PSD4: variants seen among roughly 807,000 people sequenced by gnomAD.
The protein encoded by PSD4 is pleckstrin and Sec7 domain containing 4.
PSD4 carries 59 observed loss-of-function variants against 112.5 expected under a neutral mutation model. The ratio of observed to expected loss-of-function variants is 0.52; its 90% CI spans 0.43 to 0.65. The LOEUF is 0.65. PSD4 is among the 30% of genes least tolerant of loss of function. The pLI is 0.00. For missense variants in PSD4, 1,267 were observed against 1,352.6 expected (o/e 0.94, Z 0.99); for synonymous variants, 533 against 540.0 (o/e 0.99, Z 0.18).
In PSD4 at chr2:113,185,918, AC is replaced by A; in HGVS notation, c.1293del (p.Leu432TrpfsTer54). The A allele has an allele frequency of 6.2e-7, 1 of 1,613,488 alleles. No homozygotes were observed. Among genetic ancestry groups the A allele is most frequent in the Non-Finnish European group, 8.5e-7 (1 of 1,179,650 alleles). On this transcript the variant is annotated frameshift_variant, in exon 5 of 17. Transcript: ENST00000245796. LOFTEE classifies it high-confidence loss of function. ...GGHPQESLPC[T>X]LAPCPWRSPA... ...ACACCCCCAGGAATCTCTTCCCTGC[AC>A]CTTGGCCCCCTGCCCCTGGAGGAGC...
intron 6 of PSD4, 93 bp from the exon 7 acceptor site, chr2:113,192,955 C>G: frequency 1.6e-6 from 2 of 1,259,088 alleles, no homozygotes; most frequent in Non-Finnish European, 2.3e-6. Context: ...TCACCCCCAC[C>G]GCATAATGTG....
chr2:113,197,582 G>A lies in PSD4; in HGVS notation c.2405G>A (p.Gly802Asp). 1 of 1,614,220 alleles carries A rather than the reference G, an allele frequency of 6.2e-7. No homozygotes were observed. The highest frequency in any genetic ancestry group is 8.5e-7 in the Non-Finnish European group (1 of 1,180,030). Reference protein sequence around the residue: ...DGKKTPWGKRGWKMFHTLLRG... With the variant: ...DGKKTPWGKRDWKMFHTLLRG... Reference sequence around the variant, plus strand: ...GGAACAGCGCCATGGGGCAAGCGTGGCTGGAAGATGTTCCACACCTTACTG... The same window carrying A: ...GGAACAGCGCCATGGGGCAAGCGTGACTGGAAGATGTTCCACACCTTACTG... The change falls in exon 13 of 17, where the codon GGC becomes GAC. Residue 802 changes from glycine (G) to aspartate (D), a missense_variant. Transcript: ENST00000245796.
intron 1 of PSD4, among the ~76,000 whole-genome samples, chr2:113,174,859 A>T (rs949091317): frequency 6.6e-6 from 1 of 152,166 alleles, no homozygotes; most frequent in Non-Finnish European, 1.5e-5. Flanking sequence ...AAAATTCCAC[A>T]GTTGAAGTCA....
Position 113,197,647 on chromosome 2 carries a change from C to A in PSD4, c.2457+13C>A. On this transcript the variant is annotated intron_variant, in intron 13 of 16. Transcript: ENST00000245796. ...CTACTTCCTGAAGGTAGGAAAGGAG[C>A]CAACACCCCTGTCAGAATGGGAGAC... 6.2e-7 allele frequency: 1 copy of A among 1,614,118 alleles called. No individual in the cohort carries two copies. The highest frequency in any genetic ancestry group is 1.6e-4 in the Middle Eastern group (1 of 6,062).
intron 1 of PSD4, among the ~76,000 whole-genome samples, chr2:113,181,767 A>G (rs1432760856): frequency 1.3e-5 from 2 of 152,166 alleles, no homozygotes; most frequent in African/African-American, 4.8e-5. Flanking sequence ...TACAAGGACA[A>G]AGAAGCAGGC....
chr2:113,192,901 T>C (rs2104504074), intron 6 of PSD4, 147 bp from the exon 7 acceptor site: 1 of 762,502 alleles, frequency 1.3e-6, no homozygotes, highest in Non-Finnish European at 2.1e-6. Context: ...GCCCCCTTGC[T>C]CTGTCAGGAC....
In PSD4 at chr2:113,202,401, A is replaced by AG. The variant is rs2104512038; in HGVS notation, c.*988dup. ...GGAGGCTGGCGACCAGGCGAGGCCT[A>AG]GGCCAGGCTCGGGAGACTTTTCTGT... On this transcript the variant is annotated 3_prime_UTR_variant, in exon 17 of 17. Transcript: ENST00000245796. 6.6e-6 allele frequency: 1 copy of AG among 152,470 alleles called. No individual in the cohort carries two copies. The highest frequency in any genetic ancestry group is 1.9e-4 in the East Asian group (1 of 5,178). 9.4% of individuals were successfully genotyped at this position (152,470 alleles called of 1,614,324 possible).
rs780424458 is a variant in PSD4 at position 113,183,375 on chromosome 2, G to A, written c.919G>A (p.Gly307Arg). 1.2e-5 allele frequency: 19 copies of A among 1,580,880 alleles called. No individual in the cohort carries two copies. The South Asian group carries it at 2.2e-4, about 18-fold the overall frequency. The change falls in exon 2 of 17, where the codon GGG becomes AGG. Residue 307 changes from glycine to arginine, a missense_variant. Around this residue, in one of 2 missense-constraint regions of PSD4, gnomAD observed 723 missense variants for 704.0 expected, o/e 1.03. Coordinates refer to ENST00000245796, the MANE Select transcript of PSD4 (RefSeq NM_012455.3). Reference protein sequence around the residue: ...LWELESEPDLGDGAAISGHCT... With the variant: ...LWELESEPDLRDGAAISGHCT... ...GGAGCTGGAAAGTGAGCCAGATTTG[G>A]GGGACGGCGCTGCTATCAGTGGGCA...
rs746235985 is a variant in PSD4 at position 113,186,010 on chromosome 2, C to A, written c.1383C>A (p.Ser461Arg). 1.7e-5 allele frequency: 28 copies of A among 1,614,086 alleles called. No individual in the cohort carries two copies. Among genetic ancestry groups the A allele is most frequent in the Non-Finnish European group, 2.2e-5 (26 of 1,180,004 alleles). The change falls in exon 5 of 17, where the codon AGC (serine) becomes AGA (arginine). Residue 461 changes from serine to arginine, a missense_variant. Ser to Arg is a moderately radical substitution (Grantham distance 110, BLOSUM62 -1). This residue lies in a region of PSD4 where 723 missense variants were observed against 704.0 expected (regional missense o/e 1.03). Coordinates refer to ENST00000245796, the MANE Select transcript of PSD4 (RefSeq NM_012455.3). ...GCAGAGGCCCTGGTCCCAGGCCCAG[C>A]CCTGCATCGTCCCAGGAGGGCAGCC... ...SESRGPGPRPSPASSQEGSPQ... is the reference protein window; with the variant it reads ...SESRGPGPRPRPASSQEGSPQ...
chr2:113,182,024 G>A (rs141049336), intron 1 of PSD4, among the ~76,000 whole-genome samples: 177 of 131,010 alleles, frequency 1.4e-3, no homozygotes, highest in Non-Finnish European at 2.3e-3. Flanking sequence ...AACCACCTCG[G>A]TCTCCACACT....
rs774424718 is a variant in PSD4, at chr2:113,192,538, A to G, written c.1787A>G (p.Tyr596Cys). The change falls in exon 6 of 17, where the codon TAT becomes TGT. Residue 596 changes from tyrosine to cysteine, a missense_variant. Tyr to Cys is a radical substitution (Grantham distance 194, BLOSUM62 -2). Coordinates refer to ENST00000245796, the MANE Select transcript of PSD4 (RefSeq NM_012455.3). ...GCCTGGAACTTGGCCTCACGCCTCT[A>G]TCGCCTGGAGGGCTTCCGGAAGTCT... ...KVAWNLASRL[Y>C]RLEGFRKSEV... 30 of 1,614,090 alleles carry G rather than the reference A, an allele frequency of 1.9e-5. No homozygotes were observed. Among genetic ancestry groups the G allele is most frequent in the Non-Finnish European group, 2.3e-5 (27 of 1,180,024 alleles).
At chr2:113,188,309 T>A (rs1308482629) in intron 5 of PSD4, among the ~76,000 whole-genome samples, 1 of 152,198 alleles carries the variant, frequency 6.6e-6, no homozygotes, top group South Asian at 2.1e-4. Context: ...AATGTTGCGA[T>A]CTTGGCTCAC....
rs1688212151 is a variant in PSD4, at chr2:113,183,525, T to C, written c.1056+13T>C. On this transcript the variant is annotated intron_variant, in intron 2 of 16. Transcript: ENST00000245796. ...CGGGGAGAGTGAGGTAAGCCCAGTC[T>C]TGGGAACCAACCGGGGCTGTGCTGG... is the stretch of plus-strand genomic sequence containing the variant. The C allele has an allele frequency of 6.5e-7, 1 of 1,542,872 alleles. No individual in the cohort carries two copies.
chr2:113,193,171 C>A (rs1688504560), intron 7 of PSD4, 43 bp downstream of exon 7: 2 of 1,605,454 alleles, frequency 1.2e-6, no homozygotes, highest in Non-Finnish European at 8.5e-7. Context: ...TGGAGGATGG[C>A]ATGGGGCAGT....
intron 2 of PSD4, 83 bp downstream of exon 2, chr2:113,183,595 A>G: frequency 7.6e-7 from 1 of 1,311,886 alleles, no homozygotes; most frequent in Non-Finnish European, 1.0e-6. Flanking sequence ...CAGGCCCAGA[A>G]CATTCTTTTC....
At chr2:113,178,815 G>A (rs1350976781) in intron 1 of PSD4, among the ~76,000 whole-genome samples, 1 of 152,136 alleles carries the variant, frequency 6.6e-6, no homozygotes, top group African/African-American at 2.4e-5. Flanking sequence ...TTGGGTGAAT[G>A]AGAACAGGAG....
In PSD4 at chr2:113,195,747, C is replaced by T. The variant is rs1277106814; in HGVS notation, c.2202C>T (p.Arg734=). ...ELLKALYWSI[R]SEKLEWAVDE... ...TCCAGGCCCTCTACTGGTCTATCCG[C>T]AGCGAGAAGCTCGAGTGGGCCGTGT... Residue 734 remains arginine, a synonymous_variant, in exon 11 of 17, where the codon CGC becomes CGT. Transcript: ENST00000245796. The T allele has an allele frequency of 1.2e-6, 2 of 1,614,098 alleles. No individual in the cohort carries two copies. Among genetic ancestry groups the T allele is most frequent in the East Asian group, 4.5e-5 (2 of 44,886 alleles).
intron 5 of PSD4, among the ~76,000 whole-genome samples, chr2:113,190,270 G>T (rs45586833): frequency 0.1 from 15,881 of 152,138 alleles, 943 homozygotes; most frequent in Non-Finnish European, 0.14. Context: ...TTGAAAAAGT[G>T]TGTCCTCCTT....
intron 14 of PSD4, 128 bp downstream of exon 14, chr2:113,198,041 A>G (rs1168440302): frequency 8.7e-7 from 1 of 1,149,328 alleles, no homozygotes; most frequent in Non-Finnish European, 1.2e-6. Context: ...TATGATCAGA[A>G]ATTCTTAGAA....
Sources: allele counts gnomAD v4.1 joint callset (sites outside exome capture counted in the v4.1 genomes callset), GRCh38; gene constraint gnomAD v4.1.1; regional missense constraint gnomAD v4.1.1; transcripts MANE v1.5; gene names NCBI Gene and HGNC (gene_info 2026-07-23, HGNC 2026-07-21).